The following ADARB2 variants were observed in gnomAD, a reference collection of about 807,000 sequenced individuals.
ADARB2 encodes the protein inactive double-stranded RNA-specific editase B2.
Under a neutral mutation model 62.2 loss-of-function variants are expected in ADARB2, and 25 were observed. The observed-to-expected ratio is 0.40, with a 90% CI of 0.29 to 0.56. The LOEUF (loss-of-function observed/expected upper bound fraction) is 0.56, where lower values mean the gene tolerates loss of function less well. Among genes scored for constraint, ADARB2 ranks in the 20% least tolerant of loss-of-function variants. ADARB2 has a pLI of 0.43. For synonymous variants in ADARB2, 572 were observed against 500.8 expected (o/e 1.14, Z -1.90); for missense variants, 1,071 against 1,077.4 (o/e 0.99, Z 0.08).
intron 1 of ADARB2, among the ~76,000 whole-genome samples, chr10:1,719,652 GACAA>G (rs1174951084): frequency 6.6e-6 from 1 of 152,164 alleles, no homozygotes; most frequent in East Asian, 1.9e-4. Context: ...CCATGTATCT[GACAA>G]AGGTTCAGAA....
intron 1 of ADARB2, among the ~76,000 whole-genome samples, chr10:1,380,407 T>C (rs1169142090): frequency 2.0e-5 from 3 of 152,258 alleles, no homozygotes; most frequent in African/African-American, 7.2e-5. Context: ...TCACTGAGTT[T>C]ACATCACCCT....
chr10:1,263,416 T>G (rs998571349), intron 4 of ADARB2, among the ~76,000 whole-genome samples: 24 of 152,238 alleles, frequency 1.6e-4, no homozygotes, highest in African/African-American at 4.1e-4. Flanking sequence ...AAAGTTAGTG[T>G]TATGCTTCCA....
At chr10:1,543,789 G>A (rs1390955526) in intron 1 of ADARB2, among the ~76,000 whole-genome samples, 1 of 152,150 alleles carries the variant, frequency 6.6e-6, no homozygotes, top group Non-Finnish European at 1.5e-5. Context: ...AAGGGGCAGC[G>A]CTGGGCCCGC....
At chr10:1,346,086 T>C (rs1028619220) in intron 3 of ADARB2, among the ~76,000 whole-genome samples, 2 of 152,216 alleles carry the variant, frequency 1.3e-5, no homozygotes, top group Non-Finnish European at 2.9e-5. Context: ...TTAGTGTTTG[T>C]ATAGTAACTG....
chr10:1,284,910 T>C (rs1318018958), intron 3 of ADARB2, among the ~76,000 whole-genome samples: 1 of 151,948 alleles, frequency 6.6e-6, no homozygotes, highest in Non-Finnish European at 1.5e-5. Flanking sequence ...CCTTGAGGGG[T>C]GACTTCCCCT....
chr10:1,223,238 A>G (rs1425680031), intron 6 of ADARB2, among the ~76,000 whole-genome samples: 1 of 152,098 alleles, frequency 6.6e-6, no homozygotes, highest in Non-Finnish European at 1.5e-5. Context: ...GGTGTATAAG[A>G]ATGCTTGTGA....
intron 1 of ADARB2, among the ~76,000 whole-genome samples, chr10:1,629,230 G>A (rs1442904707): frequency 6.6e-6 from 1 of 152,054 alleles, no homozygotes; most frequent in Non-Finnish European, 1.5e-5. Flanking sequence ...TAAGGCCCAG[G>A]GAATTGGACT....
intron 1 of ADARB2, among the ~76,000 whole-genome samples, chr10:1,549,179 C>T (rs1832574372): frequency 1.1e-5 from 1 of 93,466 alleles, no homozygotes; most frequent in East Asian, 3.5e-4. Flanking sequence ...TCCTCTCTCA[C>T]TGAAAGGTGG....
intron 3 of ADARB2, among the ~76,000 whole-genome samples, chr10:1,272,076 G>T (rs767527974): frequency 2.9e-4 from 44 of 152,236 alleles, no homozygotes; most frequent in Non-Finnish European, 4.7e-4. Context: ...AGAGATGACG[G>T]CTGTGACTAT....
intron 8 of ADARB2, among the ~76,000 whole-genome samples, chr10:1,189,338 T>G (rs1836806046): frequency 6.6e-6 from 1 of 152,054 alleles, no homozygotes; most frequent in Non-Finnish European, 1.5e-5. Flanking sequence ...TGCTTGCTCA[T>G]GGTGTTCCTG....
In ADARB2 at chr10:1,200,017, C is replaced by T; in HGVS notation, c.1813G>A (p.Gly605Ser). 1 of 1,585,248 alleles carries T rather than the reference C, an allele frequency of 6.3e-7. No homozygotes were observed. Among genetic ancestry groups the T allele is most frequent in the African/African-American group, 1.3e-5 (1 of 74,732 alleles). ...TAGGAGGCGGGCAGCTGGCCGACAC[C>T]CTCCATGCGGTGGCTCATGACGCGT... ...LARVMSHRME[G>S]VGQLPASYRH... Residue 605 changes from glycine to serine, a missense_variant, in exon 8 of 10, where the codon GGT (glycine) becomes AGT (serine). Coordinates refer to ENST00000381312, the MANE Select transcript of ADARB2 (RefSeq NM_018702.4).
At chr10:1,267,591 G>T (rs1438209660) in intron 4 of ADARB2, among the ~76,000 whole-genome samples, 1 of 152,176 alleles carries the variant, frequency 6.6e-6, no homozygotes, top group Non-Finnish European at 1.5e-5. Flanking sequence ...TATGGTAAAG[G>T]CACAATCTTC....
intron 1 of ADARB2, among the ~76,000 whole-genome samples, chr10:1,384,691 C>T (rs2131862845): frequency 6.6e-6 from 1 of 152,270 alleles, no homozygotes; most frequent in East Asian, 1.9e-4. Flanking sequence ...GAAAAGTGGA[C>T]CTGGAGAAGA....
At chr10:1,718,185 G>T (rs185445288) in intron 1 of ADARB2, among the ~76,000 whole-genome samples, 1 of 152,238 alleles carries the variant, frequency 6.6e-6, no homozygotes, top group Admixed American at 6.5e-5. Flanking sequence ...GGTGATGGCC[G>T]GGGCAGAAAC....
At chr10:1,403,358 C>T (rs1358523875) in intron 1 of ADARB2, among the ~76,000 whole-genome samples, 2 of 152,122 alleles carry the variant, frequency 1.3e-5, no homozygotes, top group Non-Finnish European at 2.9e-5. Context: ...TCAGTCATTG[C>T]GGGGGCCCTA....
At chr10:1,419,451 C>A (rs1472265707) in intron 1 of ADARB2, among the ~76,000 whole-genome samples, 5 of 152,172 alleles carry the variant, frequency 3.3e-5, no homozygotes, top group African/African-American at 1.2e-4. Context: ...TTAAAAAAAT[C>A]CAGCAGAATC....
chr10:1,438,814 T>TTCCC (rs1830866614), intron 1 of ADARB2, among the ~76,000 whole-genome samples: 1 of 142,252 alleles, frequency 7.0e-6, no homozygotes, highest in Non-Finnish European at 1.5e-5. Context: ...CTCCTGAGTC[T>TTCCC]CCTCAGCAGA....
intron 1 of ADARB2, among the ~76,000 whole-genome samples, chr10:1,639,610 C>A (rs1294375188): frequency 6.6e-6 from 1 of 152,128 alleles, no homozygotes; most frequent in African/African-American, 2.4e-5. Context: ...TTTGGGAGGC[C>A]AAGGCGAGAA....
At chr10:1,199,421 G>C (rs183045285) in intron 8 of ADARB2, 1 of 152,496 alleles carries the variant, frequency 6.6e-6, no homozygotes, top group Non-Finnish European at 1.5e-5. Flanking sequence ...GGGGAGGCTC[G>C]GGTCTCTGAG....
Sources: gnomAD v4.1 joint callset for allele counts (sites outside exome capture counted in the v4.1 genomes callset) on GRCh38, gnomAD v4.1.1 for gene constraint, MANE v1.5 for transcripts, NCBI Gene and HGNC (gene_info 2026-07-23, HGNC 2026-07-21) for gene names.